The following LIPN variants were observed in gnomAD, a reference collection of about 807,000 sequenced individuals.
LIPN encodes the protein lipase member N.
A neutral mutation model predicts 43.7 loss-of-function variants in LIPN; 32 were observed. The ratio of observed to expected loss-of-function variants is 0.73; its 90% confidence interval spans 0.55 to 0.98. The LOEUF is 0.98. Among genes scored for constraint, LIPN ranks in the 50% least tolerant of loss-of-function variants. The pLI, the probability that LIPN is intolerant of heterozygous loss-of-function variation, is 0.00. For missense variants in LIPN, 505 were observed against 483.8 expected (o/e 1.04, Z -0.41); for synonymous variants, 156 against 157.6 (o/e 0.99, Z 0.08).
intron 7 of LIPN, among the ~76,000 whole-genome samples, chr10:88,774,098 G>T (rs1042870483): frequency 6.6e-5 from 10 of 151,986 alleles, no homozygotes; most frequent in African/African-American, 2.2e-4. Flanking sequence ...CTGAACTCCT[G>T]GTTTTCTGAT....
chr10:88,771,563 A>C (rs1487005992), intron 7 of LIPN, among the ~76,000 whole-genome samples: 1 of 151,634 alleles, frequency 6.6e-6, no homozygotes, highest in Non-Finnish European at 1.5e-5. Context: ...ATGTTCTCTA[A>C]TTTCATCCAC....
At chr10:88,765,198 T>A (rs958206751) in intron 4 of LIPN, among the ~76,000 whole-genome samples, 8 of 151,968 alleles carry the variant, frequency 5.3e-5, no homozygotes, top group African/African-American at 1.9e-4. Flanking sequence ...TGAAGAAGAA[T>A]CTTTTTTGAT....
At chr10:88,772,363 G>GT (rs1438212053) in intron 7 of LIPN, among the ~76,000 whole-genome samples, 1 of 151,674 alleles carries the variant, frequency 6.6e-6, no homozygotes, top group Admixed American at 6.6e-5. Flanking sequence ...TGTAATGTTT[G>GT]TTTTTTAGTA....
At position 88,778,068 on chromosome 10, in the gene LIPN, T is replaced by G; in HGVS notation, c.1023T>G (p.Gly341=). The G allele has an allele frequency of 1.2e-6, 2 of 1,613,644 alleles. No homozygotes were observed. Among genetic ancestry groups the G allele is most frequent in the Non-Finnish European group, 1.7e-6 (2 of 1,179,692 alleles). The part of the protein sequence containing the change: ...AMKVPTAIWA[G]GHDVLVTPQD... ...AAGTGCCTACTGCTATTTGGGCTGG[T>G]GGACATGATGTCCTCGTAACACCCC... Residue 341 remains glycine, a synonymous_variant, in exon 10 of 10, where the codon GGT becomes GGG. Transcript: ENST00000404459.
intron 6 of LIPN, 120 bp downstream of exon 6, chr10:88,769,048 C>T: frequency 1.0e-6 from 1 of 985,668 alleles, no homozygotes; most frequent in Admixed American, 2.4e-5. Context: ...AGAACTTAGA[C>T]TCTGTGGGTA....
chr10:88,770,729 CTTG>C (rs1843191009), intron 6 of LIPN, 113 bp from the exon 7 acceptor site: 1 of 581,252 alleles, frequency 1.7e-6, no homozygotes. Context: ...GCTTGTTGTC[CTTG>C]TTGTTGCTAT....
At chr10:88,764,649 C>A (rs1843061887) in intron 4 of LIPN, 41 bp downstream of exon 4, 3 of 1,424,158 alleles carry the variant, frequency 2.1e-6, no homozygotes, top group Non-Finnish European at 1.9e-6. Flanking sequence ...AAATTGGAGG[C>A]AATTTAAAAA....
rs1329896557 is a variant in LIPN at position 88,764,613 on chromosome 10, A to C, written c.425+5A>C. On this transcript the variant is annotated splice_donor_5th_base_variant and intron_variant, in intron 4 of 9. Coordinates refer to ENST00000404459, the MANE Select transcript of LIPN (RefSeq NM_001102469.2). ...TGAGAAATTCTGGGCCTTTAGGTAA[A>C]TATTAGCTAAGAAAACTCAAGGGGG... 6.4e-7 allele frequency: 1 copy of C among 1,574,738 alleles called. No homozygotes were observed. The highest frequency in any genetic ancestry group is 8.6e-7 in the Non-Finnish European group (1 of 1,160,134).
intron 6 of LIPN, chr10:88,769,566 A>G (rs1843171493): frequency 1.0e-6 from 1 of 983,640 alleles, no homozygotes; most frequent in South Asian, 4.7e-5. Context: ...CATTGCCACA[A>G]TGAACACAGC....
chr10:88,768,503 C>T (rs1843149224), intron 5 of LIPN, among the ~76,000 whole-genome samples: 1 of 151,860 alleles, frequency 6.6e-6, no homozygotes, highest in South Asian at 2.1e-4. Flanking sequence ...GGGAAGTTTA[C>T]ACAGCAGTAG....
At chr10:88,763,311 T>C (rs1843033192) in intron 3 of LIPN, among the ~76,000 whole-genome samples, 1 of 152,086 alleles carries the variant, frequency 6.6e-6, no homozygotes, top group African/African-American at 2.4e-5. Flanking sequence ...CTGGAACTTT[T>C]TGCTTACTTT....
At chr10:88,761,647 A>G (rs1842999044) in intron 2 of LIPN, 134 bp downstream of exon 2, 1 of 616,652 alleles carries the variant, frequency 1.6e-6, no homozygotes, top group Admixed American at 3.2e-5. Flanking sequence ...CCTCTGCAAG[A>G]GTCAAGCTAG....
intron 4 of LIPN, 75 bp from the exon 5 acceptor site, chr10:88,766,194 A>G: frequency 2.7e-6 from 2 of 742,562 alleles, no homozygotes; most frequent in Non-Finnish European, 4.8e-6. Context: ...GGGTGTAAAA[A>G]AGAAGTGAGC....
intron 6 of LIPN, among the ~76,000 whole-genome samples, chr10:88,770,630 C>G (rs1324033440): frequency 6.6e-6 from 1 of 151,718 alleles, no homozygotes; most frequent in Admixed American, 6.6e-5. Flanking sequence ...CAAATAGATC[C>G]CCAAGCATGG....
intron 4 of LIPN, among the ~76,000 whole-genome samples, chr10:88,764,977 ACTCT>A (rs35284679): frequency 6.6e-6 from 1 of 151,834 alleles, no homozygotes. Flanking sequence ...GAACAGACAA[ACTCT>A]CTGACCTCAC....
At chr10:88,773,856 A>G (rs1235232062) in intron 7 of LIPN, among the ~76,000 whole-genome samples, 4 of 152,002 alleles carry the variant, frequency 2.6e-5, no homozygotes, top group African/African-American at 9.7e-5. Flanking sequence ...TATGATTACT[A>G]TTTTATCTCT....
chr10:88,766,068 C>G (rs1843090670), intron 4 of LIPN, among the ~76,000 whole-genome samples: 1 of 151,788 alleles, frequency 6.6e-6, no homozygotes, highest in Non-Finnish European at 1.5e-5. Context: ...CGAAAGTGTT[C>G]CTCTTATAAG....
rs1843274848 is a variant in LIPN at position 88,775,094 on chromosome 10, T to A, written c.894T>A (p.Leu298=). The A allele has an allele frequency of 6.5e-7, 1 of 1,535,782 alleles. No homozygotes were observed. ...TTTCTAAAAAACATTTGTTTCAGCT[T>A]TACCACTCTGATGAATTCAGAGCTT... is the stretch of plus-strand genomic sequence containing the variant. The part of the protein sequence containing the change: ...SVHNILHIKQ[L]YHSDEFRAYD... The change falls in exon 9 of 10, where the codon CTT becomes CTA. Residue 298 remains leucine, a splice_region_variant and synonymous_variant. Transcript: ENST00000404459.
At chr10:88,761,941 T>C (rs1843008201) in intron 2 of LIPN, among the ~76,000 whole-genome samples, 1 of 152,076 alleles carries the variant, frequency 6.6e-6, no homozygotes, top group Non-Finnish European at 1.5e-5. Context: ...CTTGATAATA[T>C]AGCTTTGTCA....
Sources: allele counts gnomAD v4.1 joint callset (sites outside exome capture counted in the v4.1 genomes callset), GRCh38; gene constraint gnomAD v4.1.1; transcripts MANE v1.5; gene names NCBI Gene and HGNC (gene_info 2026-07-23, HGNC 2026-07-21).